GSE1: variants seen among roughly 807,000 people sequenced by gnomAD.
GSE1 encodes the protein Gse1 coiled-coil protein.
In GSE1, 32 loss-of-function variants were observed where a neutral mutation model predicts 112.6. That is an observed-to-expected ratio of 0.28 (90% CI 0.21 to 0.38). The LOEUF is 0.38. Ranked by LOEUF, GSE1 falls within the 10% of genes least tolerant of loss-of-function variation. The pLI is 1.00. For synonymous variants in GSE1, 1,115 were observed against 735.6 expected, an observed-to-expected ratio of 1.52 and a Z score of -8.35; for missense variants, 2,348 against 1,699.2, an observed-to-expected ratio of 1.38 and a Z score of -6.71.
At position 85,599,128 on chromosome 16, in the gene GSE1, A is replaced by G. The variant is rs189852661; in HGVS notation, c.37+42765A>G. Among the ~76,000 whole-genome samples the G allele has an allele frequency of 4.7e-3, 710 of 152,346 alleles. 2 individuals carry two copies. Among genetic ancestry groups the G allele is most frequent in the African/African-American group, 0.015 (627 of 41,574 alleles). On this transcript the variant is annotated intron_variant, in intron 1 of 2. Transcript: ENST00000635906. ...AATGTTGACTTACACTGGGGACCCAATTCTCTCTGAATAAAATTCCCCCTT... is the reference window on the plus strand; with the variant it reads ...AATGTTGACTTACACTGGGGACCCAGTTCTCTCTGAATAAAATTCCCCCTT...
At chr16:85,570,764 C>A (rs1445355642) in intron 1 of GSE1, among the ~76,000 whole-genome samples, 1 of 152,206 alleles carries the variant, frequency 6.6e-6, no homozygotes, top group Non-Finnish European at 1.5e-5. Flanking sequence ...TGGTGCCAGG[C>A]CCTGGAGGGG....
chr16:85,591,676 C>T (rs1011445323), intron 1 of GSE1, among the ~76,000 whole-genome samples: 2 of 152,224 alleles, frequency 1.3e-5, no homozygotes, highest in Admixed American at 6.5e-5. Flanking sequence ...ACTCAGGGTC[C>T]GGACCTCACC....
chr16:85,376,882 A>G (rs1219349694), intron 2 of GSE1, among the ~76,000 whole-genome samples: 1 of 152,006 alleles, frequency 6.6e-6, no homozygotes, highest in African/African-American at 2.4e-5. Flanking sequence ...CTCTCTGCAC[A>G]CCCCTCCGCA....
Position 85,656,644 on chromosome 16 carries a change from C to A in GSE1, c.1291C>A (p.Gln431Lys). 6.5e-7 allele frequency: 1 copy of A among 1,528,398 alleles called. No individual in the cohort carries two copies. The highest frequency in any genetic ancestry group is 1.2e-5 in the South Asian group (1 of 82,238). 94.7% of individuals were successfully genotyped at this position (1,528,398 alleles called of 1,614,324 possible). A position where few individuals can be genotyped will look rare whatever the true frequency, so the allele number is the denominator to read the frequency against. The change falls in exon 7 of 16, where the codon CAG becomes AAG. Residue 431 changes from glutamine to lysine, a missense_variant. Transcript: ENST00000253458. ...TGAGGAGCGGGGCAAGCCCTCGGAG[C>A]AGCTGACCCCAACCCGAGCAGGTAC... ...ATEERGKPSE[Q>K]LTPTRAEKLK...
Position 85,673,965 on chromosome 16 carries a change from C to T in GSE1, c.*1426C>T, listed in dbSNP as rs889235719. 6.6e-6 allele frequency: 1 copy of T among 152,254 alleles called. No homozygotes were observed. Among genetic ancestry groups the T allele is most frequent in the Admixed American group, 6.5e-5 (1 of 15,288 alleles). The allele number at this position is 152,254 out of a possible 1,614,324, so 9.4% of individuals were successfully genotyped here. A position where few individuals can be genotyped will look rare whatever the true frequency, so the allele number is the denominator to read the frequency against. On this transcript the variant is annotated 3_prime_UTR_variant, in exon 16 of 16. Coordinates refer to ENST00000253458, the MANE Select transcript of GSE1 (RefSeq NM_014615.5). ...CCCCTCCTTTTTGAACTTACTGTGA[C>T]AAGCACAGGAACGGTCAGAAACTGG...
At chr16:85,277,932 G>A (rs914494132) in intron 1 of GSE1, among the ~76,000 whole-genome samples, 1 of 152,198 alleles carries the variant, frequency 6.6e-6, no homozygotes, top group Non-Finnish European at 1.5e-5. Context: ...TTCCTGCTGG[G>A]GTCAGCGGGT....
At chr16:85,437,303 G>A (rs764172505) in intron 2 of GSE1, among the ~76,000 whole-genome samples, 1 of 152,176 alleles carries the variant, frequency 6.6e-6, no homozygotes, top group Non-Finnish European at 1.5e-5. Context: ...GGAGGGGCGA[G>A]GAGTGCCGAG....
chr16:85,601,607 G>A (rs1329744705), intron 1 of GSE1, among the ~76,000 whole-genome samples: 2 of 152,312 alleles, frequency 1.3e-5, no homozygotes, highest in South Asian at 2.1e-4. Flanking sequence ...ACAGGCGGCT[G>A]ACTAAAAATC....
At chr16:85,530,833 G>C (rs2044112771) in intron 2 of GSE1, among the ~76,000 whole-genome samples, 1 of 152,234 alleles carries the variant, frequency 6.6e-6, no homozygotes, top group Admixed American at 6.5e-5. Context: ...ACTGAGACCA[G>C]GGGAAACCTT....
In GSE1 at chr16:85,661,714, G is replaced by A; in HGVS notation, c.2209G>A (p.Val737Ile). 1 of 1,593,162 alleles carries A rather than the reference G, an allele frequency of 6.3e-7. No homozygotes were observed. Among genetic ancestry groups the A allele is most frequent in the East Asian group, 2.3e-5 (1 of 44,164 alleles). ...GTTCCTGCAGCAGCGCCGGAGGCTGGTCAGCAAGCTGGACCTGGAGGAGCG... is the reference window on the plus strand; with the variant it reads ...GTTCCTGCAGCAGCGCCGGAGGCTGATCAGCAAGCTGGACCTGGAGGAGCG... Reference protein sequence around the residue: ...DEFLQQRRRLVSKLDLEERRR... With the variant: ...DEFLQQRRRLISKLDLEERRR... Residue 737 changes from valine (V) to isoleucine (I), a missense_variant, in exon 9 of 16, where the codon GTC becomes ATC. Transcript: ENST00000253458.
At chr16:85,591,374 A>T (rs1311723307) in intron 1 of GSE1, among the ~76,000 whole-genome samples, 2 of 152,182 alleles carry the variant, frequency 1.3e-5, no homozygotes, top group Non-Finnish European at 2.9e-5. Flanking sequence ...GAAAGTGGGG[A>T]GATGAGGCTG....
intron 3 of GSE1, among the ~76,000 whole-genome samples, chr16:85,651,095 T>G (rs1448497853): frequency 1.9e-5 from 1 of 52,988 alleles, no homozygotes; most frequent in East Asian, 6.6e-4. Context: ...CCCCTCCGCC[T>G]TCTTTCTTTC....
chr16:85,465,034 A>G (rs1026670088), intron 2 of GSE1, among the ~76,000 whole-genome samples: 1 of 152,162 alleles, frequency 6.6e-6, no homozygotes, highest in Non-Finnish European at 1.5e-5. Context: ...TGAGGTGCAG[A>G]CGGGAGAGGC....
At position 85,245,319 on chromosome 16, in the gene GSE1, A is replaced by C. The variant is rs567038813; in HGVS notation, c.2283+73512A>C. On this transcript the variant is annotated intron_variant, in intron 1 of 2. Transcript: ENST00000637419. ...GGAGATTGGCTAGTATTCGAGAGGC[A>C]CTGAAGTCAGAGCATCACCCTCCCG... Among the ~76,000 whole-genome samples the C allele has an allele frequency of 1.1e-4, 16 of 152,326 alleles. No homozygotes were observed. The East Asian group carries it at 2.7e-3, about 26-fold the overall frequency.
At chr16:85,424,146 GTCC>G (rs745483792) in intron 2 of GSE1, among the ~76,000 whole-genome samples, 2 of 152,252 alleles carry the variant, frequency 1.3e-5, no homozygotes, top group African/African-American at 4.8e-5. Context: ...GAAAGCTCTT[GTCC>G]TCCTAATAAT....
intron 1 of GSE1, among the ~76,000 whole-genome samples, chr16:85,600,581 A>C (rs548985384): frequency 5.8e-4 from 87 of 149,954 alleles, no homozygotes; most frequent in South Asian, 5.0e-3. Flanking sequence ...ACACACACAC[A>C]CCCCAAACAC....
intron 1 of GSE1, chr16:85,592,564 T>G (rs576733165): frequency 1.1e-4 from 17 of 152,370 alleles, no homozygotes; most frequent in African/African-American, 3.4e-4. Flanking sequence ...TTTCTACCCG[T>G]GGCCCCTTCT....
At chr16:85,178,407 G>A (rs764196268) in intron 1 of GSE1, among the ~76,000 whole-genome samples, 3 of 152,018 alleles carry the variant, frequency 2.0e-5, no homozygotes, top group African/African-American at 7.3e-5. Flanking sequence ...CATTCCCGGC[G>A]GTGTTTGGAA....
chr16:85,615,739 C>CA (rs2048330243), intron 1 of GSE1, among the ~76,000 whole-genome samples: 1 of 152,228 alleles, frequency 6.6e-6, no homozygotes, highest in South Asian at 2.1e-4. Context: ...TGTCAGAGTT[C>CA]AAAGGGGCTT....
Sources: allele counts gnomAD v4.1 joint callset (sites outside exome capture counted in the v4.1 genomes callset), GRCh38; gene constraint gnomAD v4.1.1; transcripts MANE v1.5; gene names NCBI Gene and HGNC (gene_info 2026-07-23, HGNC 2026-07-21).